FRYL: variants seen among roughly 807,000 people sequenced by gnomAD.
The protein encoded by FRYL is FRY like transcription coactivator.
In FRYL, 150 loss-of-function variants were observed where a neutral mutation model predicts 351.2. That is an observed-to-expected ratio of 0.43 (90% CI 0.37 to 0.49). The LOEUF is 0.49. Among genes scored for constraint, FRYL ranks in the 20% least tolerant of loss-of-function variants. FRYL has a pLI of 0.00. For synonymous variants in FRYL, 1,153 were observed against 1,257.1 expected, an observed-to-expected ratio of 0.92 and a Z score of 1.75; for missense variants, 3,036 against 3,619.3, an observed-to-expected ratio of 0.84 and a Z score of 4.13.
chr4:48,570,476 T>A (rs1464014093), intron 27 of FRYL, among the ~76,000 whole-genome samples: 1 of 152,198 alleles, frequency 6.6e-6, no homozygotes, highest in Admixed American at 6.5e-5. Context: ...AAGAAAAACA[T>A]CTTTAAAATG....
chr4:48,691,693 CA>C (rs35584626), intron 2 of FRYL, among the ~76,000 whole-genome samples: 1 of 152,028 alleles, frequency 6.6e-6, no homozygotes, highest in East Asian at 1.9e-4. Context: ...AACAATTTCC[CA>C]AAAAAGTAAT....
At chr4:48,659,310 C>G (rs552491301) in intron 3 of FRYL, among the ~76,000 whole-genome samples, 5 of 149,484 alleles carry the variant, frequency 3.3e-5, no homozygotes, top group Non-Finnish European at 5.9e-5. Context: ...AAGATCGCAT[C>G]ACGGCACTCC....
chr4:48,531,799 T>A (rs1366257133), intron 49 of FRYL, among the ~76,000 whole-genome samples: 1 of 152,196 alleles, frequency 6.6e-6, no homozygotes, highest in African/African-American at 2.4e-5. Context: ...GACATAAAAA[T>A]ATTAAAATAC....
At position 48,540,780 on chromosome 4, in the gene FRYL, C is replaced by T; in HGVS notation, c.5868G>A (p.Arg1956=). Residue 1956 remains arginine, a synonymous_variant, in exon 46 of 64, where the codon CGG becomes CGA. Transcript: ENST00000358350. Reference sequence around the variant, plus strand: ...CATCCATTATATCCAGTGTGTTACTCCGCCGCCGGTCACCTCGTCGGTCAC... The same window carrying T: ...CATCCATTATATCCAGTGTGTTACTTCGCCGCCGGTCACCTCGTCGGTCAC... ...LIGDRRGDRR[R]SNTLDIMDGR... is the part of the protein sequence containing the mutation. 2 of 1,613,914 alleles carry T rather than the reference C, an allele frequency of 1.2e-6. No homozygotes were observed. Among genetic ancestry groups the T allele is most frequent in the Non-Finnish European group, 1.7e-6 (2 of 1,179,940 alleles).
chr4:48,500,697 A>G (rs913431425), intron 62 of FRYL, among the ~76,000 whole-genome samples: 41 of 151,790 alleles, frequency 2.7e-4, no homozygotes, highest in Non-Finnish European at 3.4e-4. Context: ...CAAGGGGGGG[A>G]AAAGACTAAA....
chr4:48,708,930 T>TTTTTTGG (rs1423256570), intron 2 of FRYL, among the ~76,000 whole-genome samples: 3 of 136,738 alleles, frequency 2.2e-5, no homozygotes, highest in Admixed American at 7.2e-5. Context: ...TTGTTTTTTG[T>TTTTTTGG]TTTTTTTTTT....
At chr4:48,621,729 A>T (rs770871205) in intron 5 of FRYL, among the ~76,000 whole-genome samples, 1 of 152,178 alleles carries the variant, frequency 6.6e-6, no homozygotes, top group Non-Finnish European at 1.5e-5. Flanking sequence ...TACCTCTGTA[A>T]ATTGAACATT....
At chr4:48,544,967 C>T (rs1333775463) in intron 42 of FRYL, 63 bp from the exon 43 acceptor site, 5 of 1,524,328 alleles carry the variant, frequency 3.3e-6, no homozygotes, top group African/African-American at 2.8e-5. Context: ...GTTGTACTCA[C>T]ACTTGCCTAA....
chr4:48,625,676 C>A (rs1343969563), intron 4 of FRYL, among the ~76,000 whole-genome samples: 1 of 152,050 alleles, frequency 6.6e-6, no homozygotes, highest in Non-Finnish European at 1.5e-5. Context: ...GGGACTTGAC[C>A]ATTCATGAAT....
At chr4:48,507,014 A>C (rs1324746513) in intron 59 of FRYL, among the ~76,000 whole-genome samples, 2 of 152,092 alleles carry the variant, frequency 1.3e-5, no homozygotes, top group African/African-American at 4.8e-5. Context: ...CTAACATGGA[A>C]CCTGTGCATT....
intron 1 of FRYL, among the ~76,000 whole-genome samples, chr4:48,714,153 C>A (rs915133714): frequency 6.6e-6 from 1 of 152,072 alleles, no homozygotes; most frequent in Admixed American, 6.6e-5. Flanking sequence ...GCACTAAATG[C>A]CCACAAGAGA....
At chr4:48,503,834 C>A (rs1720289164) in intron 60 of FRYL, among the ~76,000 whole-genome samples, 1 of 152,148 alleles carries the variant, frequency 6.6e-6, no homozygotes, top group Admixed American at 6.5e-5. Context: ...CAAGGTCAAG[C>A]ATATTCCATA....
At chr4:48,723,904 A>G (rs1420115481) in intron 1 of FRYL, among the ~76,000 whole-genome samples, 2 of 150,802 alleles carry the variant, frequency 1.3e-5, no homozygotes, top group Non-Finnish European at 3.0e-5. Context: ...CAGGCAATAT[A>G]GTAAGACCCC....
chr4:48,564,213 A>C, intron 30 of FRYL, 111 bp from the exon 31 acceptor site: 9 of 1,159,400 alleles, frequency 7.8e-6, no homozygotes, highest in Non-Finnish European at 1.1e-5. Context: ...TAATTAATAG[A>C]AAAATTCCAT....
chr4:48,743,084 G>A (rs1271287299), intron 1 of FRYL, among the ~76,000 whole-genome samples: 1 of 148,240 alleles, frequency 6.7e-6, no homozygotes. Flanking sequence ...CTCCCAAAGT[G>A]CTGGGATTAC....
rs373666417 is a variant in FRYL at position 48,500,161 on chromosome 4, G to C, written c.8652C>G (p.Ser2884=). The C allele has an allele frequency of 1.9e-6, 3 of 1,605,270 alleles. No homozygotes were observed. Among genetic ancestry groups the C allele is most frequent in the African/African-American group, 1.3e-5 (1 of 74,402 alleles). Residue 2884 remains serine, a synonymous_variant, in exon 63 of 64, where the codon TCC becomes TCG. Transcript: ENST00000358350. ...TGTCAATTTCTTCGTTTTCGGAAGC[G>C]GACTCAGCTTCTTTGAGGATACTTT... ...QLESILKEAE[S]ASENEEIDIS... is the part of the protein sequence containing the mutation.
rs747556397 is a variant in FRYL at position 48,549,288 on chromosome 4, T to C, written c.4784+185A>G. Reference sequence around the variant, plus strand: ...AGCAGCAGAATTAGATTTAATAATATTAATTTTATAAAGTTAGAATTCTGA... The same window carrying C: ...AGCAGCAGAATTAGATTTAATAATACTAATTTTATAAAGTTAGAATTCTGA... On this transcript the variant is annotated intron_variant, in intron 39 of 63. Coordinates refer to ENST00000358350, the MANE Select transcript of FRYL (RefSeq NM_015030.2). This position sits in a 1 kb window ranked among gnomAD's most constrained non-coding sequence, Gnocchi z 4.2. 6.6e-6 allele frequency among the ~76,000 whole-genome samples: 1 copy of C among 152,192 alleles called. No individual in the cohort carries two copies. Among genetic ancestry groups the C allele is most frequent in the Non-Finnish European group, 1.5e-5 (1 of 68,032 alleles).
chr4:48,738,665 C>CTT (rs748249556), intron 1 of FRYL, among the ~76,000 whole-genome samples: 64 of 132,830 alleles, frequency 4.8e-4, no homozygotes, highest in Middle Eastern at 3.9e-3. Context: ...ACATGGCTAA[C>CTT]TTTTTTTTTT....
chr4:48,525,464 G>A (rs1725921599), intron 53 of FRYL, among the ~76,000 whole-genome samples: 1 of 152,178 alleles, frequency 6.6e-6, no homozygotes, highest in South Asian at 2.1e-4. Context: ...ATGTTGAGGA[G>A]AGGGAACTTT....
Sources: gnomAD v4.1 joint callset for allele counts (sites outside exome capture counted in the v4.1 genomes callset) on GRCh38, gnomAD v4.1.1 for gene constraint, Gnocchi (gnomAD v3.1) non-coding constraint, MANE v1.5 for transcripts, NCBI Gene and HGNC (gene_info 2026-07-23, HGNC 2026-07-21) for gene names.